Variants in VEGFC observed in about 807,000 individuals in gnomAD.
VEGFC encodes the protein FLT4 ligand DHM.
In VEGFC, 12 loss-of-function variants were observed where a neutral mutation model predicts 46.1. That is an observed-to-expected ratio of 0.26 (90% confidence interval 0.17 to 0.42). The LOEUF is 0.42. Among genes scored for constraint, VEGFC ranks in the 10% least tolerant of loss-of-function variants. The pLI is 1.00. For synonymous variants in VEGFC, 232 were observed against 195.5 expected, an observed-to-expected ratio of 1.19 and a Z score of -1.56; for missense variants, 488 against 529.4, an observed-to-expected ratio of 0.92 and a Z score of 0.77.
chr4:176,748,119 G>A (rs1390021651), intron 1 of VEGFC, among the ~76,000 whole-genome samples: 3 of 152,128 alleles, frequency 2.0e-5, no homozygotes, highest in African/African-American at 7.2e-5. Flanking sequence ...AACTGGTTTT[G>A]TGTGGACCCC....
intron 4 of VEGFC, among the ~76,000 whole-genome samples, chr4:176,701,971 T>C (rs1003949738): frequency 1.3e-5 from 2 of 152,292 alleles, no homozygotes; most frequent in Admixed American, 1.3e-4. Flanking sequence ...AAAGCAATAA[T>C]GTATAACCTT....
intron 1 of VEGFC, among the ~76,000 whole-genome samples, chr4:176,742,166 A>G (rs990996469): frequency 1.1e-4 from 16 of 151,990 alleles, no homozygotes; most frequent in African/African-American, 2.2e-4. Flanking sequence ...TAGCTCCCGT[A>G]TAAGTGAGAA....
chr4:176,768,917 C>T (rs1336906408), intron 1 of VEGFC, among the ~76,000 whole-genome samples: 4 of 151,936 alleles, frequency 2.6e-5, no homozygotes, highest in Non-Finnish European at 5.9e-5. Context: ...CCACCCCCCA[C>T]CCCCCGTGCT....
intron 1 of VEGFC, among the ~76,000 whole-genome samples, chr4:176,775,926 A>T (rs1221329390): frequency 1.3e-5 from 2 of 152,126 alleles, no homozygotes; most frequent in African/African-American, 4.8e-5. Flanking sequence ...GGCTTACCAA[A>T]AAAAAAAGAA....
chr4:176,784,029 A>G (rs192464064), intron 1 of VEGFC, among the ~76,000 whole-genome samples: 2 of 149,492 alleles, frequency 1.3e-5, no homozygotes, highest in Admixed American at 1.3e-4. Flanking sequence ...TATGCCAATC[A>G]TGGTTCCAAG....
intron 6 of VEGFC, among the ~76,000 whole-genome samples, chr4:176,685,401 A>C (rs1324699886): frequency 6.6e-6 from 1 of 152,206 alleles, no homozygotes; most frequent in Non-Finnish European, 1.5e-5. Context: ...TATTTTCAAA[A>C]TATGATATTT....
At chr4:176,696,267 A>T (rs187059655) in intron 4 of VEGFC, among the ~76,000 whole-genome samples, 9 of 152,102 alleles carry the variant, frequency 5.9e-5, no homozygotes, top group African/African-American at 2.2e-4. Context: ...CCTTAAGCTG[A>T]TAAGCAACTT....
intron 1 of VEGFC, among the ~76,000 whole-genome samples, chr4:176,779,596 T>C (rs781011000): frequency 3.9e-5 from 6 of 152,174 alleles, no homozygotes; most frequent in Admixed American, 3.9e-4. Context: ...TGAAACACTT[T>C]CCTCTGGAGT....
At chr4:176,690,985 T>C (rs1734166345) in intron 4 of VEGFC, among the ~76,000 whole-genome samples, 2 of 152,170 alleles carry the variant, frequency 1.3e-5, no homozygotes, top group Non-Finnish European at 2.9e-5. Flanking sequence ...AGAAATGCAT[T>C]TTAAAATGTA....
rs141956389 is a variant in VEGFC, at chr4:176,743,491, G to A, written c.148-13745C>T. On this transcript the variant is annotated intron_variant, in intron 1 of 6. Coordinates refer to ENST00000618562, the MANE Select transcript of VEGFC (RefSeq NM_005429.5). ...TACCATGCACAATTATGTAGTCACCGGATATAAATAATGTATAATATATGT... is the reference window on the plus strand; with the variant it reads ...TACCATGCACAATTATGTAGTCACCAGATATAAATAATGTATAATATATGT... Among the ~76,000 whole-genome samples the A allele has an allele frequency of 2.1e-3, 317 of 151,176 alleles. 1 individual carries two copies. Among genetic ancestry groups the A allele is most frequent in the African/African-American group, 7.2e-3 (299 of 41,284 alleles).
chr4:176,761,146 T>C (rs1735524135), intron 1 of VEGFC, among the ~76,000 whole-genome samples: 1 of 152,168 alleles, frequency 6.6e-6, no homozygotes, highest in Non-Finnish European at 1.5e-5. Flanking sequence ...GTCCTAAAAT[T>C]GTGAGAAAAT....
chr4:176,705,557 C>A (rs1013864580), intron 4 of VEGFC, among the ~76,000 whole-genome samples: 10 of 152,212 alleles, frequency 6.6e-5, no homozygotes, highest in African/African-American at 2.4e-4. Context: ...ATTTTCCTGG[C>A]AGTTTTTTTG....
intron 4 of VEGFC, among the ~76,000 whole-genome samples, chr4:176,694,052 T>A (rs1734260761): frequency 1.3e-5 from 2 of 149,152 alleles, no homozygotes; most frequent in Non-Finnish European, 3.0e-5. Flanking sequence ...CCATCGAGAC[T>A]AGGAAGAAAC....
At chr4:176,749,111 T>C (rs1313949241) in intron 1 of VEGFC, among the ~76,000 whole-genome samples, 2 of 151,944 alleles carry the variant, frequency 1.3e-5, no homozygotes, top group Non-Finnish European at 2.9e-5. Flanking sequence ...AGAGCTGAAA[T>C]TAGAAGCTGA....
chr4:176,770,080 T>G (rs917627230), intron 1 of VEGFC, among the ~76,000 whole-genome samples: 1 of 152,290 alleles, frequency 6.6e-6, no homozygotes, highest in African/African-American at 2.4e-5. Context: ...AAAAAATATC[T>G]GATAGTTACA....
rs115979921 is a variant in VEGFC at position 176,774,919 on chromosome 4, C to T, written c.147+17246G>A. Among the ~76,000 whole-genome samples the T allele has an allele frequency of 3.0e-3, 450 of 151,990 alleles. 1 individual carries two copies. Among genetic ancestry groups the T allele is most frequent in the African/African-American group, 9.8e-3 (408 of 41,446 alleles). On this transcript the variant is annotated intron_variant, in intron 1 of 6. Transcript: ENST00000618562. ...CCTCTAGATTGTCAGGTAAGAATAT[C>T]GTTAGAGATCAATTGGTCCAGCCTC...
chr4:176,738,390 T>C (rs748283166), intron 1 of VEGFC, among the ~76,000 whole-genome samples: 1 of 151,882 alleles, frequency 6.6e-6, no homozygotes, highest in African/African-American at 2.4e-5. Flanking sequence ...AACCCAGGAA[T>C]AAAGCCACAC....
At chr4:176,710,190 T>G (rs1276979530) in intron 4 of VEGFC, among the ~76,000 whole-genome samples, 2 of 152,200 alleles carry the variant, frequency 1.3e-5, no homozygotes, top group Admixed American at 1.3e-4. Flanking sequence ...GGTTAGATCT[T>G]CAAATGTCAT....
chr4:176,706,520 G>A (rs113469505), intron 4 of VEGFC, among the ~76,000 whole-genome samples: 10,532 of 148,998 alleles, frequency 0.071, 417 homozygotes, highest in Non-Finnish European at 0.092. Context: ...ACAGCTACTC[G>A]GGAGGATGAG....
Sources: allele counts gnomAD v4.1 joint callset (sites outside exome capture counted in the v4.1 genomes callset), GRCh38; gene constraint gnomAD v4.1.1; transcripts MANE v1.5; gene names NCBI Gene and HGNC (gene_info 2026-07-23, HGNC 2026-07-21).